Variants in PCDHA1 observed in about 807,000 individuals in gnomAD.
The protein encoded by PCDHA1 is protocadherin alpha 1.
PCDHA1 carries 42 observed loss-of-function variants against 61.3 expected under a neutral mutation model. The observed-to-expected ratio is 0.69, with a 90% CI of 0.54 to 0.89. PCDHA1 has a LOEUF of 0.89. Ranked by LOEUF, PCDHA1 falls within the 40% of genes least tolerant of loss-of-function variation. The pLI, the probability that PCDHA1 is intolerant of heterozygous loss-of-function variation, is 0.00. For synonymous variants in PCDHA1, 610 were observed against 553.8 expected (o/e 1.10, Z -1.43); for missense variants, 1,256 against 1,235.3 (o/e 1.02, Z -0.25).
chr5:140,931,147 A>G (rs1469532498), intron 1 of PCDHA1, among the ~76,000 whole-genome samples: 1 of 152,206 alleles, frequency 6.6e-6, no homozygotes, highest in Non-Finnish European at 1.5e-5. Context: ...AGTGGATACT[A>G]TTTAATAGAA....
chr5:140,878,627 T>C (rs2057676475), intron 1 of PCDHA1, among the ~76,000 whole-genome samples: 1 of 152,236 alleles, frequency 6.6e-6, no homozygotes, highest in Non-Finnish European at 1.5e-5. Flanking sequence ...TTACATATTT[T>C]AACTTTCTAT....
intron 3 of PCDHA1, among the ~76,000 whole-genome samples, chr5:141,006,560 C>G (rs1179730864): frequency 2.0e-5 from 3 of 152,084 alleles, no homozygotes; most frequent in Non-Finnish European, 4.4e-5. Flanking sequence ...AAAGATGACT[C>G]TGGCTACTGT....
Position 141,010,924 on chromosome 5 carries a change from T to G in PCDHA1, c.*987T>G, listed in dbSNP as rs1016736721. 1 of 153,778 alleles carries G rather than the reference T, an allele frequency of 6.5e-6. No homozygotes were observed. Among genetic ancestry groups the G allele is most frequent in the Non-Finnish European group, 1.5e-5 (1 of 68,046 alleles). 9.5% of individuals were successfully genotyped at this position (153,778 alleles called of 1,614,324 possible). A position where few individuals can be genotyped will look rare whatever the true frequency, so the allele number is the denominator to read the frequency against. Reference sequence around the variant, plus strand: ...CCCCTAAACTCTCCTCAAAAGAGAATTCAGTCTACAGCCATTTAAATGATC... The same window carrying G: ...CCCCTAAACTCTCCTCAAAAGAGAAGTCAGTCTACAGCCATTTAAATGATC... On this transcript the variant is annotated 3_prime_UTR_variant, in exon 4 of 4. Transcript: ENST00000504120.
Position 140,871,175 on chromosome 5 carries a change from C to T in PCDHA1, c.2394+82491C>T, listed in dbSNP as rs782460096. ...GCGGGCGCCGCGAGCCCAGAGGCTG[C>T]GCTGGTGGATGTCAACGTGTACCTG... is the stretch of plus-strand genomic sequence containing the variant. On this transcript the variant is annotated intron_variant, in intron 1 of 3. Transcript: ENST00000504120. 8 of 1,613,402 alleles carry T rather than the reference C, an allele frequency of 5.0e-6. No individual in the cohort carries two copies. In the African/African-American group the frequency reaches 5.3e-5, roughly 11 times the overall value.
intron 1 of PCDHA1, chr5:140,877,659 G>A (rs1554169954): frequency 9.3e-6 from 15 of 1,613,500 alleles, no homozygotes; most frequent in Admixed American, 1.7e-5. Flanking sequence ...CGCCCACCGT[G>A]AGCCGGTGCG....
Position 140,851,530 on chromosome 5 carries a change from A to AT in PCDHA1, c.2394+62847dup, listed in dbSNP as rs746126939. ...AAAATATGTTTTAAAATGCCTGACA[A>AT]TGTAGATAATTCAAGAAATGTTGAC... is the stretch of plus-strand genomic sequence containing the variant. On this transcript the variant is annotated intron_variant, in intron 1 of 3. Transcript: ENST00000504120. 7.7e-4 allele frequency: 698 copies of AT among 902,810 alleles called. 38 individuals are homozygous for AT. The highest frequency in any genetic ancestry group is 9.1e-4 in the Non-Finnish European group (671 of 740,872). 55.9% of individuals were successfully genotyped at this position (902,810 alleles called of 1,614,324 possible).
intron 1 of PCDHA1, chr5:140,966,476 C>G: frequency 2.3e-6 from 1 of 432,972 alleles, no homozygotes; most frequent in Non-Finnish European, 4.0e-6. Flanking sequence ...CTTCTGTTTC[C>G]TTTTCCCTCC....
intron 1 of PCDHA1, chr5:140,966,627 C>G: frequency 6.3e-6 from 6 of 951,596 alleles, no homozygotes; most frequent in Non-Finnish European, 8.6e-6. Flanking sequence ...AGGGAGCGGC[C>G]CCAGGCGCTT....
intron 1 of PCDHA1, among the ~76,000 whole-genome samples, chr5:140,886,261 T>C (rs1162814294): frequency 1.3e-5 from 2 of 152,036 alleles, no homozygotes; most frequent in African/African-American, 4.8e-5. Context: ...TCTCTATTTA[T>C]AGATAAAATT....
chr5:140,820,280 A>T (rs188289585), intron 1 of PCDHA1, among the ~76,000 whole-genome samples: 5 of 152,118 alleles, frequency 3.3e-5, no homozygotes, highest in African/African-American at 1.2e-4. Flanking sequence ...ATCTTTAAAG[A>T]TTGTATCAGA....
chr5:140,869,737 C>T (rs781857700), intron 1 of PCDHA1: 4 of 1,613,276 alleles, frequency 2.5e-6, no homozygotes, highest in Admixed American at 1.7e-5. Context: ...TAATTTGCTG[C>T]TAACAGCTAC....
intron 1 of PCDHA1, among the ~76,000 whole-genome samples, chr5:140,904,512 C>T (rs1251570223): frequency 5.9e-5 from 9 of 151,738 alleles, no homozygotes; most frequent in Admixed American, 3.3e-4. Flanking sequence ...GTGAATTGTG[C>T]TGCTATAAAC....
intron 1 of PCDHA1, chr5:140,823,306 G>C: frequency 6.2e-7 from 1 of 1,612,298 alleles, no homozygotes; most frequent in South Asian, 1.1e-5. Context: ...TTCGGTGCAC[G>C]CGGAGAGCGG....
At chr5:140,881,042 G>A (rs2058565950) in intron 1 of PCDHA1, among the ~76,000 whole-genome samples, 1 of 152,208 alleles carries the variant, frequency 6.6e-6, no homozygotes, top group Non-Finnish European at 1.5e-5. Context: ...TTCCTATAGA[G>A]TTGTGCACAG....
intron 1 of PCDHA1, among the ~76,000 whole-genome samples, chr5:140,885,719 T>C (rs1304075284): frequency 6.6e-6 from 1 of 152,210 alleles, no homozygotes; most frequent in Non-Finnish European, 1.5e-5. Flanking sequence ...TAATGTGATC[T>C]CTGTGAAATG....
At position 140,963,599 on chromosome 5, in the gene PCDHA1, C is replaced by T. The variant is rs968307291; in HGVS notation, c.2395-15350C>T. On this transcript the variant is annotated intron_variant, in intron 1 of 3. Coordinates refer to ENST00000504120, the MANE Select transcript of PCDHA1 (RefSeq NM_018900.4). ...TCAAAATGTAGGATATAGTTCTAGA[C>T]GTAATTGGGAAAGCTTAACTTTGTT... Among the ~76,000 whole-genome samples, 9 of 152,254 alleles carry T rather than the reference C, an allele frequency of 5.9e-5. No individual in the cohort carries two copies. The South Asian group carries it at 1.0e-3, about 18-fold the overall frequency.
chr5:140,836,434 T>G (rs2150261046), intron 1 of PCDHA1: 2 of 1,613,832 alleles, frequency 1.2e-6, no homozygotes, highest in Admixed American at 1.7e-5. Flanking sequence ...CGGGCATCGT[T>G]GGGCATTGCA....
intron 1 of PCDHA1, among the ~76,000 whole-genome samples, chr5:140,879,972 C>T (rs1005756157): frequency 6.6e-6 from 1 of 152,176 alleles, no homozygotes; most frequent in Non-Finnish European, 1.5e-5. Context: ...AGGATAAACT[C>T]CTTTCAAGAT....
At chr5:140,870,425 C>T (rs531014522) in intron 1 of PCDHA1, 19 of 1,614,072 alleles carry the variant, frequency 1.2e-5, no homozygotes, top group Non-Finnish European at 1.5e-5. Context: ...GCCAGGGTAT[C>T]CGTGGAGGTG....
Sources: allele counts gnomAD v4.1 joint callset (sites outside exome capture counted in the v4.1 genomes callset), GRCh38; gene constraint gnomAD v4.1.1; transcripts MANE v1.5; gene names NCBI Gene and HGNC (gene_info 2026-07-23, HGNC 2026-07-21).